EEPD1: variants seen among roughly 807,000 people sequenced by gnomAD.
The protein encoded by EEPD1 is endonuclease/exonuclease/phosphatase family domain containing 1.
In EEPD1, 17 loss-of-function variants were observed where a neutral mutation model predicts 46.3. The observed-to-expected ratio is 0.37, with a 90% CI of 0.25 to 0.55. The LOEUF is 0.55. EEPD1 is among the 20% of genes least tolerant of loss of function. EEPD1 has a pLI of 0.83. For synonymous variants in EEPD1, 313 were observed against 315.6 expected (o/e 0.99, Z 0.09); for missense variants, 673 against 745.6 (o/e 0.90, Z 1.13).
intron 5 of EEPD1, among the ~76,000 whole-genome samples, chr7:36,287,208 G>T (rs188776789): frequency 1.1e-4 from 13 of 117,360 alleles, no homozygotes; most frequent in African/African-American, 1.3e-4. Context: ...CTCCACCCCA[G>T]CCTGGGTGAC....
chr7:36,181,449 A>G (rs576301654), intron 2 of EEPD1, among the ~76,000 whole-genome samples: 36 of 152,170 alleles, frequency 2.4e-4, no homozygotes, highest in Non-Finnish European at 4.7e-4. Context: ...AAGCGATTAT[A>G]TCTTTGCACT....
intron 4 of EEPD1, among the ~76,000 whole-genome samples, chr7:36,283,458 G>C (rs1303474019): frequency 1.3e-5 from 2 of 152,114 alleles, no homozygotes; most frequent in Admixed American, 1.3e-4. Context: ...AGTTACTCTG[G>C]CACCATGACT....
intron 2 of EEPD1, among the ~76,000 whole-genome samples, chr7:36,236,462 C>T (rs767211597): frequency 9.9e-5 from 15 of 152,216 alleles, no homozygotes; most frequent in Admixed American, 5.2e-4. Flanking sequence ...CCACGACAGC[C>T]GGTCTCCGTC....
Position 36,155,088 on chromosome 7 carries a change from G to A in EEPD1, c.764G>A (p.Arg255Lys). ...TCCGTGGAGGCCTTTGGAGGCACAA[G>A]GGATGGGAGGCCTGTGCTGAGGCTG... ...RPSVEAFGGT[R>K]DGRPVLRLAT... Residue 255 changes from arginine (R) to lysine (K), a missense_variant, in exon 2 of 8, where the codon AGG becomes AAG. Arg to Lys is a conservative substitution (Grantham distance 26). Transcript: ENST00000242108. 1.3e-6 allele frequency: 2 copies of A among 1,584,732 alleles called. No individual in the cohort carries two copies. Among genetic ancestry groups the A allele is most frequent in the Admixed American group, 1.8e-5 (1 of 57,010 alleles).
chr7:36,259,445 TA>T (rs940685246), intron 3 of EEPD1, among the ~76,000 whole-genome samples: 5 of 152,348 alleles, frequency 3.3e-5, no homozygotes, highest in Non-Finnish European at 7.3e-5. Context: ...CCTTTTGTGC[TA>T]TTGTCTATGC....
chr7:36,209,608 G>T (rs1456119755), intron 2 of EEPD1, among the ~76,000 whole-genome samples: 1 of 152,078 alleles, frequency 6.6e-6, no homozygotes, highest in East Asian at 1.9e-4. Flanking sequence ...AGCCACTACT[G>T]AATACCGCGG....
intron 3 of EEPD1, among the ~76,000 whole-genome samples, chr7:36,243,748 G>A (rs561944750): frequency 1.3e-5 from 2 of 151,952 alleles, no homozygotes; most frequent in East Asian, 3.9e-4. Flanking sequence ...TCCTTTGTAG[G>A]GACATGGATG....
chr7:36,218,423 CTG>C (rs1786072596), intron 2 of EEPD1, among the ~76,000 whole-genome samples: 1 of 151,872 alleles, frequency 6.6e-6, no homozygotes, highest in Admixed American at 6.6e-5. Context: ...TAACAATAGA[CTG>C]TAATAAAATT....
chr7:36,170,494 C>T (rs1314489835), intron 2 of EEPD1, among the ~76,000 whole-genome samples: 1 of 149,824 alleles, frequency 6.7e-6, no homozygotes, highest in Non-Finnish European at 1.5e-5. Context: ...AGTCATTATG[C>T]TCTTCTCTTC....
rs372528473 is a variant in EEPD1, at chr7:36,282,850, C to T, written c.1041+1625C>T. ...TTGTGGGCCCAATGTGGCCAAACCTCCCAGTTTCATTTTAATGGGAAATTT... is the reference window on the plus strand; with the variant it reads ...TTGTGGGCCCAATGTGGCCAAACCTTCCAGTTTCATTTTAATGGGAAATTT... On this transcript the variant is annotated intron_variant, in intron 4 of 7. Coordinates refer to ENST00000242108, the MANE Select transcript of EEPD1 (RefSeq NM_030636.3). Among the ~76,000 whole-genome samples, 7 of 152,314 alleles carry T rather than the reference C, an allele frequency of 4.6e-5. No homozygotes were observed. The East Asian group carries it at 9.7e-4, about 21-fold the overall frequency.
intron 3 of EEPD1, among the ~76,000 whole-genome samples, chr7:36,272,296 G>T (rs1485475021): frequency 6.6e-6 from 1 of 152,062 alleles, no homozygotes; most frequent in Non-Finnish European, 1.5e-5. Flanking sequence ...AGAACCTTTG[G>T]AACATTCCTA....
At position 36,159,615 on chromosome 7, in the gene EEPD1, T is replaced by A. The variant is rs1295522214; in HGVS notation, c.878+4413T>A. ...TTTCCCAAACTCCATGCCCTTCTGC[T>A]GCCTCTGACTCCCAGCCCACCCACA... On this transcript the variant is annotated intron_variant, in intron 2 of 7. Coordinates refer to ENST00000242108, the MANE Select transcript of EEPD1 (RefSeq NM_030636.3). Among the ~76,000 whole-genome samples the A allele has an allele frequency of 2.0e-5, 3 of 152,248 alleles. No individual in the cohort carries two copies. In the East Asian group the frequency reaches 5.8e-4, roughly 29 times the overall value.
At chr7:36,166,580 A>C (rs1259969269) in intron 2 of EEPD1, among the ~76,000 whole-genome samples, 2 of 152,152 alleles carry the variant, frequency 1.3e-5, no homozygotes, top group Non-Finnish European at 2.9e-5. Flanking sequence ...AAACAAAAAA[A>C]CAGGCTTTCT....
intron 2 of EEPD1, among the ~76,000 whole-genome samples, chr7:36,194,068 C>T (rs1387952455): frequency 6.6e-6 from 1 of 152,198 alleles, no homozygotes; most frequent in Admixed American, 6.5e-5. Flanking sequence ...ATGGCTACTT[C>T]TATTGTGAGG....
At chr7:36,186,017 A>C (rs1036698445) in intron 2 of EEPD1, among the ~76,000 whole-genome samples, 2 of 151,926 alleles carry the variant, frequency 1.3e-5, no homozygotes, top group Admixed American at 1.3e-4. Flanking sequence ...ATTTACCCTC[A>C]CTTTTTCCTT....
intron 4 of EEPD1, among the ~76,000 whole-genome samples, chr7:36,283,973 C>T (rs1056968304): frequency 1.3e-5 from 2 of 152,192 alleles, no homozygotes; most frequent in Admixed American, 6.5e-5. Flanking sequence ...GTGTCTTCTT[C>T]CACAAGCCCC....
intron 2 of EEPD1, among the ~76,000 whole-genome samples, chr7:36,222,420 CAG>C (rs1786161543): frequency 6.6e-6 from 1 of 152,104 alleles, no homozygotes; most frequent in South Asian, 2.1e-4. Flanking sequence ...CTTGTTATCT[CAG>C]GGTGGCAGAG....
chr7:36,242,105 T>G (rs751425081), intron 3 of EEPD1, among the ~76,000 whole-genome samples: 1 of 152,154 alleles, frequency 6.6e-6, no homozygotes, highest in Admixed American at 6.5e-5. Flanking sequence ...CTAGTTTATC[T>G]TGGATTACTT....
intron 2 of EEPD1, among the ~76,000 whole-genome samples, chr7:36,190,279 G>C (rs1440526460): frequency 6.6e-6 from 1 of 152,122 alleles, no homozygotes; most frequent in East Asian, 1.9e-4. Context: ...GGCTGAGACA[G>C]GAGAATCACT....
Sources: gnomAD v4.1 joint callset for allele counts (sites outside exome capture counted in the v4.1 genomes callset) on GRCh38, gnomAD v4.1.1 for gene constraint, MANE v1.5 for transcripts, NCBI Gene and HGNC (gene_info 2026-07-23, HGNC 2026-07-21) for gene names.